GABRG3: variants seen among roughly 807,000 people sequenced by gnomAD.
The protein encoded by GABRG3 is gamma-aminobutyric acid type A receptor subunit gamma3.
GABRG3 carries 25 observed loss-of-function variants against 48.8 expected under a neutral mutation model. That is an observed-to-expected ratio of 0.51 (90% confidence interval 0.37 to 0.72). The LOEUF (loss-of-function observed/expected upper bound fraction) is 0.72, where lower values mean the gene tolerates loss of function less well. Ranked by LOEUF, GABRG3 falls within the 30% of genes least tolerant of loss-of-function variation. The probability of loss-of-function intolerance (pLI) is 0.00; values close to 1 mark genes in which losing one functional copy is unlikely to be tolerated. For missense variants in GABRG3, 394 were observed against 577.9 expected, an observed-to-expected ratio of 0.68 and a Z score of 3.26; for synonymous variants, 227 against 217.6, an observed-to-expected ratio of 1.04 and a Z score of -0.38.
intron 2 of GABRG3, among the ~76,000 whole-genome samples, chr15:27,006,191 C>A (rs1384176596): frequency 6.7e-6 from 1 of 149,352 alleles, no homozygotes; most frequent in Non-Finnish European, 1.5e-5. Flanking sequence ...TTTTTTTTGT[C>A]TTCCAACTTT....
rs377567355 is a variant in GABRG3, at chr15:27,131,052, G to A, written c.270+104231G>A. Among the ~76,000 whole-genome samples the A allele has an allele frequency of 3.9e-5, 6 of 151,912 alleles. No homozygotes were observed. In the East Asian group the frequency reaches 9.7e-4, roughly 24 times the overall value. ...TTTTCTTTTCTTTCCTAATTACTCT[G>A]GCTAGAAATTCCAATACTACATTCA... On this transcript the variant is annotated intron_variant, in intron 3 of 9. Transcript: ENST00000615808.
rs549667730 is a variant in GABRG3, at chr15:27,188,162, T to C, written c.271-138647T>C. ...TTTGGGTTGGTTCCAAGTCTTTGCT[T>C]TTGTGAATAGTGCTGCAAGAAACAT... On this transcript the variant is annotated intron_variant, in intron 3 of 9. Coordinates refer to ENST00000615808, the MANE Select transcript of GABRG3 (RefSeq NM_033223.5). Among the ~76,000 whole-genome samples the C allele has an allele frequency of 3.9e-5, 6 of 152,170 alleles. No homozygotes were observed. The East Asian group carries it at 1.2e-3, about 29-fold the overall frequency.
intron 3 of GABRG3, among the ~76,000 whole-genome samples, chr15:27,097,080 G>A (rs776440677): frequency 3.4e-5 from 5 of 148,548 alleles, no homozygotes; most frequent in Non-Finnish European, 7.4e-5. Flanking sequence ...TGAAACTCCT[G>A]ACCTCAGGTG....
At chr15:27,308,066 A>G (rs1226253038) in intron 3 of GABRG3, among the ~76,000 whole-genome samples, 7 of 133,254 alleles carry the variant, frequency 5.3e-5, no homozygotes, top group South Asian at 2.3e-4. Flanking sequence ...ACATATATAA[A>G]CATATATGTT....
chr15:27,018,225 A>G lies in GABRG3; in HGVS notation c.203-8529A>G, dbSNP rs557692412. 1.3e-4 allele frequency among the ~76,000 whole-genome samples: 20 copies of G among 152,326 alleles called. No individual in the cohort carries two copies. In the South Asian group the frequency reaches 3.7e-3, roughly 28 times the overall value. ...GCTACTTCAGAGTCAAATTTATAAC[A>G]TTACTAGACTTGGCAGATGCCTTCC... On this transcript the variant is annotated intron_variant, in intron 2 of 9. Coordinates refer to ENST00000615808, the MANE Select transcript of GABRG3 (RefSeq NM_033223.5).
Position 26,971,416 on chromosome 15 carries a change from C to A in GABRG3, c.-120C>A. The A allele has an allele frequency of 1.3e-6, 1 of 782,554 alleles. No individual in the cohort carries two copies. Among genetic ancestry groups the A allele is most frequent in the Non-Finnish European group, 1.8e-6 (1 of 551,134 alleles). The allele number at this position is 782,554 out of a possible 1,614,324, so 48.5% of individuals were successfully genotyped here. ...CCAGAGTAGATACCTGTCCCGCCCG[C>A]CGCGGCCAGCAGCCTCGGAGGAAGC... On this transcript the variant is annotated 5_prime_UTR_variant, in exon 1 of 10. Coordinates refer to ENST00000615808, the MANE Select transcript of GABRG3 (RefSeq NM_033223.5).
chr15:27,328,373 A>G (rs559316431), intron 4 of GABRG3, among the ~76,000 whole-genome samples: 1 of 152,296 alleles, frequency 6.6e-6, no homozygotes, highest in African/African-American at 2.4e-5. Context: ...CCACCTGCCT[A>G]GTGAAAGAGG....
chr15:27,386,667 A>C (rs1398096498), intron 5 of GABRG3, among the ~76,000 whole-genome samples: 1 of 152,146 alleles, frequency 6.6e-6, no homozygotes, highest in Non-Finnish European at 1.5e-5. Context: ...CAGAATTTAC[A>C]TGTTATGGAG....
rs144284341 is a variant in GABRG3 at position 27,119,301 on chromosome 15, A to G, written c.270+92480A>G. 1.2e-3 allele frequency among the ~76,000 whole-genome samples: 178 copies of G among 152,380 alleles called. 2 individuals are homozygous for G. The highest frequency in any genetic ancestry group is 7.3e-4 in the Non-Finnish European group (50 of 68,040). On this transcript the variant is annotated intron_variant, in intron 3 of 9. Coordinates refer to ENST00000615808, the MANE Select transcript of GABRG3 (RefSeq NM_033223.5). ...TCTTCGTTTATGAAGGCTCCAGTGT[A>G]ACATAAATCTTATACTAAATACATT...
chr15:27,290,716 TA>T (rs1484405261), intron 3 of GABRG3, among the ~76,000 whole-genome samples: 1 of 152,076 alleles, frequency 6.6e-6, no homozygotes, highest in Non-Finnish European at 1.5e-5. Context: ...AAGAGGAGCC[TA>T]AGGGGGACAT....
intron 5 of GABRG3, among the ~76,000 whole-genome samples, chr15:27,398,773 T>C (rs1349968252): frequency 1.3e-5 from 2 of 152,176 alleles, no homozygotes; most frequent in African/African-American, 4.8e-5. Flanking sequence ...GGCCAACGTG[T>C]ACCTGACTAT....
At chr15:27,147,751 A>G (rs1214925332) in intron 3 of GABRG3, among the ~76,000 whole-genome samples, 1 of 152,026 alleles carries the variant, frequency 6.6e-6, no homozygotes, top group African/African-American at 2.4e-5. Context: ...AACCATAAGG[A>G]AATTAGAAAA....
At position 27,539,663 on chromosome 15, in the gene GABRG3, A is replaced by G. The variant is rs1351382150; in HGVS notation, c.*6782A>G. 4 of 152,156 alleles carry G rather than the reference A, an allele frequency of 2.6e-5. No individual in the cohort carries two copies. The highest frequency in any genetic ancestry group is 7.2e-5 in the African/African-American group (3 of 41,436). 9.4% of individuals were successfully genotyped at this position (152,156 alleles called of 1,614,324 possible). A position where few individuals can be genotyped will look rare whatever the true frequency, so the allele number is the denominator to read the frequency against. ...TGAGTGAAGACCCCCCACTGCACAG[A>G]GCAGCACTTCTGTCACTCTCATGGG... On this transcript the variant is annotated 3_prime_UTR_variant, in exon 10 of 10. Transcript: ENST00000615808.
chr15:27,423,927 C>T (rs1250076662), intron 5 of GABRG3, among the ~76,000 whole-genome samples: 3 of 151,696 alleles, frequency 2.0e-5, no homozygotes, highest in African/African-American at 7.3e-5. Flanking sequence ...AGTTAAGTGC[C>T]AAGTGAGTTA....
At chr15:27,073,013 CA>C (rs1896853765) in intron 3 of GABRG3, among the ~76,000 whole-genome samples, 1 of 152,148 alleles carries the variant, frequency 6.6e-6, no homozygotes, top group Non-Finnish European at 1.5e-5. Flanking sequence ...AACAAACAAA[CA>C]AAAACAAGTT....
chr15:27,530,146 A>G (rs1239423007), intron 9 of GABRG3, among the ~76,000 whole-genome samples: 2 of 152,208 alleles, frequency 1.3e-5, no homozygotes, highest in Middle Eastern at 3.2e-3. Flanking sequence ...GACAGGGGCC[A>G]GACTCCGTGA....
chr15:27,395,105 T>G (rs1887261418), intron 5 of GABRG3, among the ~76,000 whole-genome samples: 1 of 152,234 alleles, frequency 6.6e-6, no homozygotes, highest in Non-Finnish European at 1.5e-5. Flanking sequence ...TTTGTACAAT[T>G]GATGGTGTCT....
intron 5 of GABRG3, among the ~76,000 whole-genome samples, chr15:27,384,527 G>A (rs777639123): frequency 2.6e-5 from 4 of 152,160 alleles, no homozygotes; most frequent in Admixed American, 6.5e-5. Flanking sequence ...TAAAGGGGAC[G>A]TTGGAGTCAA....
intron 5 of GABRG3, among the ~76,000 whole-genome samples, chr15:27,472,865 AAC>A (rs1168524420): frequency 3.3e-5 from 5 of 152,132 alleles, no homozygotes; most frequent in African/African-American, 4.8e-5. Context: ...CAGTGTTCTT[AAC>A]ACAAACATAC....
Sources: gnomAD v4.1 joint callset for allele counts (sites outside exome capture counted in the v4.1 genomes callset) on GRCh38, gnomAD v4.1.1 for gene constraint, MANE v1.5 for transcripts, NCBI Gene and HGNC (gene_info 2026-07-23, HGNC 2026-07-21) for gene names.